CDS1: variants seen among roughly 807,000 people sequenced by gnomAD.
The protein encoded by CDS1 is CDP-diacylglycerol synthase 1.
A neutral mutation model predicts 62.1 loss-of-function variants in CDS1; 41 were observed. The ratio of observed to expected loss-of-function variants is 0.66; its 90% CI spans 0.51 to 0.86. The LOEUF is 0.86. Among genes scored for constraint, CDS1 ranks in the 40% least tolerant of loss-of-function variants. The pLI, the probability that CDS1 is intolerant of heterozygous loss-of-function variation, is 0.00. For synonymous variants in CDS1, 185 were observed against 192.6 expected, an observed-to-expected ratio of 0.96 and a Z score of 0.32; for missense variants, 470 against 550.1, an observed-to-expected ratio of 0.85 and a Z score of 1.46.
chr4:84,592,022 A>G (rs1288016590), intron 1 of CDS1, among the ~76,000 whole-genome samples: 5 of 152,196 alleles, frequency 3.3e-5, no homozygotes, highest in African/African-American at 1.2e-4. Flanking sequence ...AGAAATCATT[A>G]GCCTTTATTT....
chr4:84,584,655 T>C (rs1722361590), intron 1 of CDS1, among the ~76,000 whole-genome samples: 1 of 152,206 alleles, frequency 6.6e-6, no homozygotes, highest in South Asian at 2.1e-4. Flanking sequence ...TACAAAGCCC[T>C]AATAGGAACA....
In CDS1 at chr4:84,645,285, A is replaced by T; in HGVS notation, c.1216A>T (p.Met406Leu). Residue 406 changes from methionine to leucine, a missense_variant, in exon 12 of 13, where the codon ATG becomes TTG. Met to Leu is a conservative substitution (Grantham distance 15). Coordinates refer to ENST00000295887, the MANE Select transcript of CDS1 (RefSeq NM_001263.4). ...GGACAGATTTGATTGTCAGTATTTG[A>T]TGGCAACTTTTGTACATGTGTACAT... ...IMDRFDCQYL[M>L]ATFVHVYITS... 1 of 1,612,272 alleles carries T rather than the reference A, an allele frequency of 6.2e-7. No individual in the cohort carries two copies. Among genetic ancestry groups the T allele is most frequent in the Non-Finnish European group, 8.5e-7 (1 of 1,178,492 alleles).
chr4:84,603,553 C>T lies in CDS1; in HGVS notation c.118-690C>T, dbSNP rs184005523. 8.7e-4 allele frequency among the ~76,000 whole-genome samples: 133 copies of T among 152,256 alleles called. 1 individual carries two copies. The highest frequency in any genetic ancestry group is 3.2e-3 in the African/African-American group (132 of 41,554). Reference sequence around the variant, plus strand: ...CTGTTTTGAAAATTGCATTGATCACCCTATCCCTGGAAATTCTGCAGTGAC... The same window carrying T: ...CTGTTTTGAAAATTGCATTGATCACTCTATCCCTGGAAATTCTGCAGTGAC... On this transcript the variant is annotated intron_variant, in intron 1 of 12. Coordinates refer to ENST00000295887, the MANE Select transcript of CDS1 (RefSeq NM_001263.4).
At chr4:84,633,607 G>A (rs966660443) in intron 6 of CDS1, among the ~76,000 whole-genome samples, 1 of 152,076 alleles carries the variant, frequency 6.6e-6, no homozygotes, top group Non-Finnish European at 1.5e-5. Context: ...TTAAAAGTTA[G>A]TACTATATAA....
intron 11 of CDS1, among the ~76,000 whole-genome samples, chr4:84,644,979 T>G (rs1351747138): frequency 1.3e-5 from 2 of 152,238 alleles, no homozygotes; most frequent in Non-Finnish European, 2.9e-5. Context: ...GTGCTAGATT[T>G]AATTAACGTT....
In CDS1 at chr4:84,604,230, T is replaced by C; in HGVS notation, c.118-13T>C. Reference sequence around the variant, plus strand: ...ACGTGATTTTGCAAAGTAATTTGTCTTTTTAATTTTAGGAAACAGATATTG... The same window carrying C: ...ACGTGATTTTGCAAAGTAATTTGTCCTTTTAATTTTAGGAAACAGATATTG... On this transcript the variant is annotated splice_polypyrimidine_tract_variant and intron_variant, in intron 1 of 12. Transcript: ENST00000295887. 1 of 1,604,440 alleles carries C rather than the reference T, an allele frequency of 6.2e-7. No individual in the cohort carries two copies.
At chr4:84,611,284 C>T (rs1319405264) in intron 3 of CDS1, among the ~76,000 whole-genome samples, 2 of 152,230 alleles carry the variant, frequency 1.3e-5, no homozygotes, top group Non-Finnish European at 1.5e-5. Context: ...AGCCTGCCCT[C>T]CGGGGTGCCC....
intron 12 of CDS1, among the ~76,000 whole-genome samples, chr4:84,647,022 G>C (rs1027063709): frequency 1.3e-5 from 2 of 152,108 alleles, no homozygotes; most frequent in Non-Finnish European, 2.9e-5. Flanking sequence ...TATAATGTCT[G>C]TCTTTACTGC....
chr4:84,644,113 C>T (rs1002716748), intron 11 of CDS1, among the ~76,000 whole-genome samples: 2 of 152,122 alleles, frequency 1.3e-5, no homozygotes, highest in Non-Finnish European at 2.9e-5. Context: ...CCAGATCACA[C>T]GCGGCCTACG....
At chr4:84,599,512 CCCCTTTTTGTAGTTCTT>C (rs1171657258) in intron 1 of CDS1, among the ~76,000 whole-genome samples, 1 of 146,880 alleles carries the variant, frequency 6.8e-6, no homozygotes, top group Non-Finnish European at 1.5e-5. Context: ...TAAAAGTTTG[CCCCTTTTTGTAGTTCTT>C]CCCTCATCCT....
rs1029519259 is a variant in CDS1, at chr4:84,650,386, T to C, written c.*1700T>C. 1.3e-5 allele frequency: 2 copies of C among 152,226 alleles called. No individual in the cohort carries two copies. The highest frequency in any genetic ancestry group is 4.8e-5 in the African/African-American group (2 of 41,456). 9.4% of individuals were successfully genotyped at this position (152,226 alleles called of 1,614,324 possible). ...GTTATTATAGGAGGCAGTGATCGCATTTAAAATCAGGCCACCTACAAGTTT... is the reference window on the plus strand; with the variant it reads ...GTTATTATAGGAGGCAGTGATCGCACTTAAAATCAGGCCACCTACAAGTTT... On this transcript the variant is annotated 3_prime_UTR_variant, in exon 13 of 13. Transcript: ENST00000295887.
At chr4:84,636,399 TAAA>T (rs1724212656) in intron 8 of CDS1, among the ~76,000 whole-genome samples, 1 of 152,178 alleles carries the variant, frequency 6.6e-6, no homozygotes, top group African/African-American at 2.4e-5. Flanking sequence ...TGGGCAATGG[TAAA>T]GAAGGAAATG....
At chr4:84,635,617 GCCTGCCTGCCTTCCTT>G (rs1560481526) in intron 8 of CDS1, among the ~76,000 whole-genome samples, 24 of 91,660 alleles carry the variant, frequency 2.6e-4, no homozygotes, top group African/African-American at 9.3e-4. Context: ...CTGCCTGCCT[GCCTGCCTGCCTTCCTT>G]CCTTCCTTCC....
chr4:84,608,053 C>T (rs145878471), intron 2 of CDS1, among the ~76,000 whole-genome samples: 63 of 152,196 alleles, frequency 4.1e-4, no homozygotes, highest in African/African-American at 1.4e-3. Context: ...GGGGTGCGGT[C>T]GGGCATGCCA....
intron 5 of CDS1, among the ~76,000 whole-genome samples, chr4:84,623,666 A>G (rs1361825613): frequency 6.6e-6 from 1 of 152,218 alleles, no homozygotes; most frequent in Non-Finnish European, 1.5e-5. Context: ...TTAAAAACAA[A>G]AAGCCTTAAC....
At chr4:84,631,374 A>C (rs1724014908) in intron 5 of CDS1, among the ~76,000 whole-genome samples, 1 of 152,252 alleles carries the variant, frequency 6.6e-6, no homozygotes, top group Non-Finnish European at 1.5e-5. Flanking sequence ...TAAAATGCTT[A>C]GATAAGAGCC....
intron 1 of CDS1, among the ~76,000 whole-genome samples, chr4:84,603,965 T>C (rs756504699): frequency 3.3e-5 from 5 of 152,160 alleles, no homozygotes; most frequent in Non-Finnish European, 4.4e-5. Context: ...AACATCTGAT[T>C]TTAGGGGTAT....
intron 1 of CDS1, among the ~76,000 whole-genome samples, chr4:84,593,527 TAG>T (rs1007717203): frequency 6.6e-5 from 10 of 151,652 alleles, no homozygotes; most frequent in African/African-American, 2.2e-4. Context: ...CTCGTTTAGA[TAG>T]AGTCTTGCTC....
At chr4:84,593,977 G>A (rs1722671488) in intron 1 of CDS1, among the ~76,000 whole-genome samples, 1 of 152,168 alleles carries the variant, frequency 6.6e-6, no homozygotes, top group Non-Finnish European at 1.5e-5. Flanking sequence ...ATTGCTCCCA[G>A]GCACGGGTGT....
Sources: allele counts gnomAD v4.1 joint callset (sites outside exome capture counted in the v4.1 genomes callset), GRCh38; gene constraint gnomAD v4.1.1; transcripts MANE v1.5; gene names NCBI Gene and HGNC (gene_info 2026-07-23, HGNC 2026-07-21).